The following DNAJC15 variants were observed in gnomAD, a reference collection of about 807,000 sequenced individuals.
The protein encoded by DNAJC15 is dnaJ homolog subfamily C member 15.
A neutral mutation model predicts 22.4 loss-of-function variants in DNAJC15; 27 were observed. That is an observed-to-expected ratio of 1.20 (90% CI 0.89 to 1.66). The LOEUF (loss-of-function observed/expected upper bound fraction) is 1.66. Among genes scored for constraint, DNAJC15 ranks in the 40% most tolerant of loss-of-function variants. The probability of loss-of-function intolerance (pLI) is 0.00; values close to 1 mark genes in which losing one functional copy is unlikely to be tolerated. For synonymous variants in DNAJC15, 79 were observed against 63.2 expected (o/e 1.25, Z -1.19); for missense variants, 208 against 187.1 (o/e 1.11, Z -0.65).
rs139709312 is a variant in DNAJC15, at chr13:43,042,085, T to G, written c.108+18351T>G. Among the ~76,000 whole-genome samples, 1,449 of 152,342 alleles carry G rather than the reference T, an allele frequency of 9.5e-3. 11 individuals carry two copies. Among genetic ancestry groups the G allele is most frequent in the Non-Finnish European group, 0.016 (1,113 of 68,028 alleles). On this transcript the variant is annotated intron_variant, in intron 1 of 5. Transcript: ENST00000379221. ...CCCCCTCTTATCTGTGGGTTCTGTG[T>G]TCCAAGACCACCAGTGGATGCCTGA...
rs948337777 is a variant in DNAJC15, at chr13:43,113,139, G to A, written c.*5891G>A. ...CTTTCAAGGAGAACATCCAGAGCAA[G>A]GTTCTGAAGACAGCTCATGAAGGTG... On this transcript the variant is annotated 3_prime_UTR_variant, in exon 6 of 6. Transcript: ENST00000379221. 6.6e-6 allele frequency: 1 copy of A among 152,162 alleles called. No homozygotes were observed. Among genetic ancestry groups the A allele is most frequent in the Non-Finnish European group, 1.5e-5 (1 of 68,030 alleles). The allele number at this position is 152,162 out of a possible 1,614,324, so 9.4% of individuals were successfully genotyped here.
At chr13:43,034,559 C>T (rs1279256720) in intron 1 of DNAJC15, among the ~76,000 whole-genome samples, 1 of 151,832 alleles carries the variant, frequency 6.6e-6, no homozygotes, top group Non-Finnish European at 1.5e-5. Context: ...TAGTGATCCG[C>T]CCGCCTCGGC....
intron 5 of DNAJC15, among the ~76,000 whole-genome samples, chr13:43,099,462 A>T (rs564916475): frequency 1.9e-4 from 29 of 152,158 alleles, no homozygotes; most frequent in Non-Finnish European, 3.7e-4. Flanking sequence ...CTTGCTTCTG[A>T]TCTTAGGGAA....
chr13:43,041,156 G>T (rs531699300), intron 1 of DNAJC15, among the ~76,000 whole-genome samples: 1 of 152,282 alleles, frequency 6.6e-6, no homozygotes, highest in African/African-American at 2.4e-5. Context: ...ACTATCACAT[G>T]GGGAGAAACC....
chr13:43,057,875 G>C (rs1241950189), intron 1 of DNAJC15, among the ~76,000 whole-genome samples: 1 of 152,090 alleles, frequency 6.6e-6, no homozygotes, highest in African/African-American at 2.4e-5. Flanking sequence ...TGCTCTTCTG[G>C]GTCTAGCCAC....
At chr13:43,045,192 T>TA (rs772763953) in intron 1 of DNAJC15, among the ~76,000 whole-genome samples, 14 of 152,242 alleles carry the variant, frequency 9.2e-5, no homozygotes, top group Non-Finnish European at 1.6e-4. Context: ...TTAGGGACTT[T>TA]ACACTTGTTC....
rs182754236 is a variant in DNAJC15, at chr13:43,034,605, G to A, written c.108+10871G>A. Among the ~76,000 whole-genome samples, 550 of 120,760 alleles carry A rather than the reference G, an allele frequency of 4.6e-3. 5 individuals are homozygous for A. The highest frequency in any genetic ancestry group is 0.02 in the South Asian group (65 of 3,250). The allele number at this position is 120,760 out of a possible 152,430, so 79.2% of individuals were successfully genotyped here. A position where few individuals can be genotyped will look rare whatever the true frequency, so the allele number is the denominator to read the frequency against. On this transcript the variant is annotated intron_variant, in intron 1 of 5. Transcript: ENST00000379221. ...GCTAGGATTACAGGCGTGAGCCACC[G>A]CACCCAGCCGAGATTGTCCTTTTAC... is the stretch of plus-strand genomic sequence containing the variant.
At chr13:43,079,323 C>T (rs1318407126) in intron 4 of DNAJC15, among the ~76,000 whole-genome samples, 1 of 152,044 alleles carries the variant, frequency 6.6e-6, no homozygotes, top group Non-Finnish European at 1.5e-5. Flanking sequence ...ATGATATAAT[C>T]AACACAATTA....
chr13:43,091,925 T>A (rs1381201556), intron 5 of DNAJC15, among the ~76,000 whole-genome samples: 3 of 152,218 alleles, frequency 2.0e-5, no homozygotes, highest in African/African-American at 7.2e-5. Context: ...TAGCATATGG[T>A]CAATTTTGGG....
At chr13:43,059,451 G>T (rs183348920) in intron 1 of DNAJC15, among the ~76,000 whole-genome samples, 9 of 152,022 alleles carry the variant, frequency 5.9e-5, no homozygotes, top group Non-Finnish European at 1.2e-4. Flanking sequence ...TCGGCTCACC[G>T]CTTCCCGGGT....
At chr13:43,027,693 GT>G (rs747149761) in intron 1 of DNAJC15, among the ~76,000 whole-genome samples, 51 of 149,482 alleles carry the variant, frequency 3.4e-4, no homozygotes, top group Non-Finnish European at 5.2e-4. Flanking sequence ...GTCTTGCTCT[GT>G]TGCCCAGGCT....
intron 1 of DNAJC15, among the ~76,000 whole-genome samples, chr13:43,053,633 G>T (rs2040515955): frequency 6.6e-6 from 1 of 151,638 alleles, no homozygotes; most frequent in Admixed American, 6.6e-5. Context: ...CCATGGTTAG[G>T]TATATTCCTT....
In DNAJC15 at chr13:43,078,702, A is replaced by G. The variant is rs376742879; in HGVS notation, c.311+14A>G. 1.2e-5 allele frequency: 20 copies of G among 1,610,630 alleles called. No homozygotes were observed. Among genetic ancestry groups the G allele is most frequent in the African/African-American group, 1.1e-4 (8 of 74,890 alleles). ...TTTAGGTGTAAGGTAGGTGTGCAGC[A>G]TAAGTATTGTTTTGTTGTGTGGCCA... On this transcript the variant is annotated intron_variant, in intron 4 of 5. Coordinates refer to ENST00000379221, the MANE Select transcript of DNAJC15 (RefSeq NM_013238.3).
chr13:43,062,401 G>A (rs2040563251), intron 1 of DNAJC15, among the ~76,000 whole-genome samples: 1 of 152,148 alleles, frequency 6.6e-6, no homozygotes, highest in Non-Finnish European at 1.5e-5. Context: ...AAGCTAAATG[G>A]CAAGTGAATC....
chr13:43,096,519 CAA>C (rs1300573914), intron 5 of DNAJC15, among the ~76,000 whole-genome samples: 3 of 152,080 alleles, frequency 2.0e-5, no homozygotes, highest in African/African-American at 7.2e-5. Flanking sequence ...TGTCTGGAAA[CAA>C]TGTCATATGA....
At chr13:43,086,459 CAA>C (rs1260221723) in intron 5 of DNAJC15, among the ~76,000 whole-genome samples, 1 of 151,452 alleles carries the variant, frequency 6.6e-6, no homozygotes, top group Non-Finnish European at 1.5e-5. Context: ...TTTCAGAAGT[CAA>C]AGGGGGGTGG....
intron 5 of DNAJC15, among the ~76,000 whole-genome samples, chr13:43,091,346 C>G (rs931269336): frequency 1.6e-4 from 25 of 152,206 alleles, no homozygotes; most frequent in Admixed American, 5.2e-4. Context: ...CCTTGGCCTC[C>G]CAAAGTGCTG....
intron 1 of DNAJC15, among the ~76,000 whole-genome samples, chr13:43,032,444 G>A (rs747658059): frequency 1.1e-4 from 16 of 152,224 alleles, no homozygotes; most frequent in Non-Finnish European, 1.6e-4. Flanking sequence ...TTAATCCACA[G>A]TGTAAGGGTA....
chr13:43,042,478 T>G (rs1000513881), intron 1 of DNAJC15, among the ~76,000 whole-genome samples: 2 of 151,966 alleles, frequency 1.3e-5, no homozygotes, highest in African/African-American at 4.8e-5. Context: ...ACATGAAGGG[T>G]GGTGAAACAG....
Sources: gnomAD v4.1 joint callset for allele counts (sites outside exome capture counted in the v4.1 genomes callset) on GRCh38, gnomAD v4.1.1 for gene constraint, MANE v1.5 for transcripts, NCBI Gene and HGNC (gene_info 2026-07-23, HGNC 2026-07-21) for gene names.